C2CD3: variants seen among roughly 807,000 people sequenced by gnomAD.
The protein encoded by C2CD3 is C2 domain-containing protein 3.
A neutral mutation model predicts 234.0 loss-of-function variants in C2CD3; 148 were observed. That is an observed-to-expected ratio of 0.63 (90% confidence interval 0.55 to 0.72). The LOEUF (loss-of-function observed/expected upper bound fraction) is 0.72, where lower values mean the gene tolerates loss of function less well. Among genes scored for constraint, C2CD3 ranks in the 30% least tolerant of loss-of-function variants. The probability of loss-of-function intolerance (pLI) is 0.00; values close to 1 mark genes in which losing one functional copy is unlikely to be tolerated. For missense variants in C2CD3, 2,577 were observed against 2,811.5 expected (o/e 0.92, Z 1.89); for synonymous variants, 1,000 against 1,035.4 (o/e 0.97, Z 0.66).
chr11:74,101,924 A>G (rs748256050), intron 14 of C2CD3, among the ~76,000 whole-genome samples: 5 of 152,164 alleles, frequency 3.3e-5, no homozygotes, highest in Admixed American at 1.3e-4. Context: ...AAAGGCTTTA[A>G]GCAGGAAAGT....
chr11:74,124,218 A>G (rs1029757604), intron 7 of C2CD3, among the ~76,000 whole-genome samples: 1 of 152,060 alleles, frequency 6.6e-6, no homozygotes, highest in Non-Finnish European at 1.5e-5. Context: ...TACACATTTT[A>G]TTTATTATTT....
At chr11:74,102,956 G>A (rs1360262185) in intron 14 of C2CD3, among the ~76,000 whole-genome samples, 175 bp downstream of exon 14, 1 of 152,164 alleles carries the variant, frequency 6.6e-6, no homozygotes, top group Non-Finnish European at 1.5e-5. Flanking sequence ...GTTTTAAAAT[G>A]TTGACAATGC....
chr11:74,100,555 A>T lies in C2CD3; in HGVS notation c.2702T>A (p.Leu901His). The T allele has an allele frequency of 6.2e-6, 10 of 1,612,510 alleles. No individual in the cohort carries two copies. Among genetic ancestry groups the T allele is most frequent in the Non-Finnish European group, 8.5e-6 (10 of 1,179,556 alleles). Residue 901 changes from leucine to histidine, a missense_variant, in exon 15 of 33, where the codon CTT becomes CAT. Leu to His is a moderately conservative substitution (Grantham distance 99, BLOSUM62 -3). Transcript: ENST00000334126. The part of the protein sequence containing the change: ...GQDKLLGLVK[L>H]PLHQFYMSFK... ...TGACATGTAAAACTGGTGGAGGGGA[A>T]GTTTCACCAGCCCGAGCAGCTTGTC...
At chr11:74,049,310 G>C (rs1953555867) in intron 27 of C2CD3, 27 bp downstream of exon 27, 2 of 1,581,912 alleles carry the variant, frequency 1.3e-6, no homozygotes, top group East Asian at 2.2e-5. Context: ...ATTCGTATTG[G>C]TTAGGGATGT....
chr11:74,090,935 ACC>A lies in C2CD3; in HGVS notation c.3518-1_3518del. The A allele has an allele frequency of 1.9e-6, 3 of 1,613,736 alleles. No homozygotes were observed. The highest frequency in any genetic ancestry group is 2.5e-6 in the Non-Finnish European group (3 of 1,179,876). ...TGTACCTTAGGCCCACATCCAGTAAACCTGAAGAATGAGGACACAAGGAAAGA... is the reference window on the plus strand; with the variant it reads ...TGTACCTTAGGCCCACATCCAGTAAATGAAGAATGAGGACACAAGGAAAGA... On this transcript the variant is annotated splice_acceptor_variant and coding_sequence_variant, in exon 20 of 33. Coordinates refer to ENST00000334126, the MANE Select transcript of C2CD3 (RefSeq NM_001286577.2). LOFTEE classifies it high-confidence loss of function.
rs143397183 is a variant in C2CD3 at position 74,092,563 on chromosome 11, G to A, written c.3370C>T (p.Gln1124Ter). Reference protein sequence around the residue: ...CRYYYPNVRDQKVAKGTLPLS... With the variant: ...CRYYYPNVRD ...GGCAAGGTTCCTTTGGCGACCTTCT[G>A]GTCTCTCACATTAGGATAATAGTAT... The change falls in exon 19 of 33, where the codon CAG becomes TAG. Residue 1124 changes from glutamine to a stop codon, truncating the protein, a stop_gained. Transcript: ENST00000334126. LOFTEE classifies it high-confidence loss of function. 6.2e-7 allele frequency: 1 copy of A among 1,613,660 alleles called. No homozygotes were observed. Among genetic ancestry groups the A allele is most frequent in the African/African-American group, 1.3e-5 (1 of 74,972 alleles).
At position 74,113,764 on chromosome 11, in the gene C2CD3, C is replaced by T. The variant is rs1294097013; in HGVS notation, c.1843+16G>A. On this transcript the variant is annotated intron_variant, in intron 11 of 32. Transcript: ENST00000334126. ...GTCAGAATGTCTAAGGTGCAGAAAACCAGTGTGTCTCTTACTTCCATCTGT... is the reference window on the plus strand; with the variant it reads ...GTCAGAATGTCTAAGGTGCAGAAAATCAGTGTGTCTCTTACTTCCATCTGT... 7.1e-7 allele frequency: 1 copy of T among 1,401,250 alleles called. No homozygotes were observed. The highest frequency in any genetic ancestry group is 1.0e-6 in the Non-Finnish European group (1 of 988,096). The allele number at this position is 1,401,250 out of a possible 1,614,324, so 86.8% of individuals were successfully genotyped here. A position where few individuals can be genotyped will look rare whatever the true frequency, so the allele number is the denominator to read the frequency against.
At chr11:74,152,186 C>A (rs1277585827) in intron 3 of C2CD3, among the ~76,000 whole-genome samples, 1 of 151,894 alleles carries the variant, frequency 6.6e-6, no homozygotes, top group African/African-American at 2.4e-5. Context: ...AATGAGAAAA[C>A]AAATTACTAA....
chr11:74,169,953 C>T (rs968095077), intron 1 of C2CD3, among the ~76,000 whole-genome samples: 2 of 152,174 alleles, frequency 1.3e-5, no homozygotes, highest in Admixed American at 6.5e-5. Context: ...TGCAAAAAGG[C>T]AGGGTCACCC....
intron 20 of C2CD3, among the ~76,000 whole-genome samples, chr11:74,090,415 A>G (rs1162516691): frequency 1.3e-5 from 2 of 152,294 alleles, no homozygotes; most frequent in Admixed American, 1.3e-4. Flanking sequence ...TCATAGGTTC[A>G]CTGGCTACTA....
At position 74,012,885 on chromosome 11, in the gene C2CD3, T is replaced by A. The variant is rs954259204; in HGVS notation, c.*500A>T. On this transcript the variant is annotated 3_prime_UTR_variant, in exon 33 of 33. Transcript: ENST00000334126. Reference sequence around the variant, plus strand: ...CCTAATTGATTAATTCAACACAGCATAAAAATAATTTGTATCTATAAAATA... The same window carrying A: ...CCTAATTGATTAATTCAACACAGCAAAAAAATAATTTGTATCTATAAAATA... 3 of 152,256 alleles carry A rather than the reference T, an allele frequency of 2.0e-5. No homozygotes were observed. The highest frequency in any genetic ancestry group is 7.2e-5 in the African/African-American group (3 of 41,458). The allele number at this position is 152,256 out of a possible 1,614,324, so 9.4% of individuals were successfully genotyped here.
intron 27 of C2CD3, 121 bp from the exon 28 acceptor site, chr11:74,048,459 A>G (rs1953495489): frequency 1.1e-6 from 1 of 948,264 alleles, no homozygotes; most frequent in Admixed American, 2.5e-5. Context: ...ACTTTGTGTT[A>G]AACACTGTGC....
At chr11:74,025,680 T>C (rs994781010) in intron 32 of C2CD3, among the ~76,000 whole-genome samples, 3 of 152,092 alleles carry the variant, frequency 2.0e-5, no homozygotes, top group Non-Finnish European at 4.4e-5. Flanking sequence ...ACACAGGGAC[T>C]TGTATCCACT....
intron 31 of C2CD3, among the ~76,000 whole-genome samples, chr11:74,029,447 T>A (rs1266154415): frequency 6.6e-6 from 1 of 152,244 alleles, no homozygotes; most frequent in Non-Finnish European, 1.5e-5. Flanking sequence ...ATGAATGAAA[T>A]GCATTGATTT....
At chr11:74,118,098 A>G (rs1218590800) in intron 9 of C2CD3, 130 bp downstream of exon 9, 5 of 620,554 alleles carry the variant, frequency 8.1e-6, no homozygotes, top group Non-Finnish European at 1.3e-5. Context: ...TAAGAATTAC[A>G]ATGTTTACTG....
intron 14 of C2CD3, among the ~76,000 whole-genome samples, chr11:74,102,541 T>C (rs545251447): frequency 6.6e-6 from 1 of 152,110 alleles, no homozygotes; most frequent in African/African-American, 2.4e-5. Flanking sequence ...TTTGGAAGAG[T>C]GCCAGCAATA....
At chr11:74,157,322 G>A (rs1856100453) in intron 3 of C2CD3, among the ~76,000 whole-genome samples, 1 of 152,104 alleles carries the variant, frequency 6.6e-6, no homozygotes, top group Non-Finnish European at 1.5e-5. Flanking sequence ...GGAATAATGA[G>A]GTAAACGATA....
rs1280936209 is a variant in C2CD3 at position 74,028,337 on chromosome 11, G to A, written c.6871C>T (p.Arg2291Trp). ...LPPQQLEASL[R>W]MLSLSATLPP... Reference sequence around the variant, plus strand: ...AAAGTTGCTGAGAGTGAAAGCATCCGCAGGGAAGCCTCCAACTGCTGGGGA... The same window carrying A: ...AAAGTTGCTGAGAGTGAAAGCATCCACAGGGAAGCCTCCAACTGCTGGGGA... Residue 2291 changes from arginine to tryptophan, a missense_variant, in exon 32 of 33, where the codon CGG (arginine) becomes TGG (tryptophan). Arg to Trp is a moderately radical substitution (Grantham distance 101). Coordinates refer to ENST00000334126, the MANE Select transcript of C2CD3 (RefSeq NM_001286577.2). 18 of 1,536,022 alleles carry A rather than the reference G, an allele frequency of 1.2e-5. No homozygotes were observed. The highest frequency in any genetic ancestry group is 2.0e-5 in the Admixed American group (1 of 51,006).
chr11:74,144,087 A>G (rs1260673127), intron 3 of C2CD3, among the ~76,000 whole-genome samples: 1 of 152,216 alleles, frequency 6.6e-6, no homozygotes, highest in East Asian at 1.9e-4. Context: ...AATCAAAAGG[A>G]AAGTGAAATA....
Sources: allele counts gnomAD v4.1 joint callset (sites outside exome capture counted in the v4.1 genomes callset), GRCh38; gene constraint gnomAD v4.1.1; transcripts MANE v1.5; gene names NCBI Gene and HGNC (gene_info 2026-07-23, HGNC 2026-07-21).